ARHGAP8: variants seen among roughly 807,000 people sequenced by gnomAD.
ARHGAP8 encodes Rho GTPase activating protein 8.
Under a neutral mutation model 46.1 loss-of-function variants are expected in ARHGAP8, and 62 were observed. The observed-to-expected ratio is 1.34, with a 90% CI of 1.10 to 1.66. The LOEUF is 1.66. ARHGAP8 is among the 40% of genes most tolerant of loss of function. ARHGAP8 has a pLI of 0.00. For missense variants in ARHGAP8, 923 were observed against 568.4 expected, an observed-to-expected ratio of 1.62 and a Z score of -6.34; for synonymous variants, 375 against 243.1, an observed-to-expected ratio of 1.54 and a Z score of -5.05.
intron 5 of ARHGAP8, among the ~76,000 whole-genome samples, chr22:44,817,601 C>G (rs1354272386): frequency 2.0e-5 from 3 of 151,840 alleles, no homozygotes; most frequent in Non-Finnish European, 4.4e-5. Flanking sequence ...GTAAGGAGTT[C>G]AAGACCAGCC....
chr22:44,782,267 G>A (rs1383302438), intron 1 of ARHGAP8, among the ~76,000 whole-genome samples: 10 of 152,114 alleles, frequency 6.6e-5, no homozygotes, highest in Non-Finnish European at 1.3e-4. Context: ...AACCGGAGAG[G>A]AGGAGATTAC....
At chr22:44,765,434 G>C (rs1168243442) in intron 1 of ARHGAP8, 1 of 152,404 alleles carries the variant, frequency 6.6e-6, no homozygotes, top group East Asian at 1.9e-4. Flanking sequence ...AGTGAGGGCC[G>C]GGTTTCCTGG....
chr22:44,766,514 CTGTG>C (rs926434213), intron 1 of ARHGAP8, among the ~76,000 whole-genome samples: 5 of 151,742 alleles, frequency 3.3e-5, no homozygotes, highest in African/African-American at 7.3e-5. Flanking sequence ...CTGTGCATGT[CTGTG>C]TGCGTGTGTC....
At chr22:44,860,550 C>CAAGTT (rs1555924051) in intron 11 of ARHGAP8, among the ~76,000 whole-genome samples, 3 of 151,744 alleles carry the variant, frequency 2.0e-5, no homozygotes, top group Admixed American at 1.3e-4. Flanking sequence ...TTGAGATCCT[C>CAAGTT]AACGACAGCT....
At chr22:44,805,033 A>C (rs978801568) in intron 3 of ARHGAP8, among the ~76,000 whole-genome samples, 1 of 152,168 alleles carries the variant, frequency 6.6e-6, no homozygotes, top group Non-Finnish European at 1.5e-5. Flanking sequence ...TGAGGAGCCG[A>C]TGCCAGCCTG....
At chr22:44,860,670 G>A (rs540245043) in intron 11 of ARHGAP8, among the ~76,000 whole-genome samples, 1 of 152,278 alleles carries the variant, frequency 6.6e-6, no homozygotes, top group South Asian at 2.1e-4. Flanking sequence ...ACCAGAGAGA[G>A]AGAAACCCTT....
At chr22:44,838,698 C>A (rs959117914) in intron 7 of ARHGAP8, among the ~76,000 whole-genome samples, 2 of 152,206 alleles carry the variant, frequency 1.3e-5, no homozygotes, top group Non-Finnish European at 2.9e-5. Flanking sequence ...TCTCCCTCCC[C>A]GGGAACAGTA....
At position 44,858,929 on chromosome 22, in the gene ARHGAP8, C is replaced by T. The variant is rs1179299703; in HGVS notation, c.878-802C>T. ...TTAGGCTTTGTGGGCCTTGTAGTCT[C>T]TGTTGCAACTACTCAGCTCTGCCCT... On this transcript the variant is annotated intron_variant, in intron 10 of 11. Coordinates refer to ENST00000356099, the MANE Select transcript of ARHGAP8 (RefSeq NM_181335.3). Among the ~76,000 whole-genome samples the T allele has an allele frequency of 4.0e-5, 6 of 151,798 alleles. No individual in the cohort carries two copies. In the East Asian group the frequency reaches 9.6e-4, roughly 24 times the overall value.
At chr22:44,762,490 C>T (rs1176308631) in intron 1 of ARHGAP8, among the ~76,000 whole-genome samples, 1 of 151,668 alleles carries the variant, frequency 6.6e-6, no homozygotes, top group Non-Finnish European at 1.5e-5. Flanking sequence ...GGCAGAGCTC[C>T]TAAAACCCTT....
chr22:44,779,097 CTTT>C (rs532665716), intron 1 of ARHGAP8, among the ~76,000 whole-genome samples: 5 of 26,100 alleles, frequency 1.9e-4, no homozygotes, highest in Admixed American at 3.6e-4. Context: ...TGGTCTCTGA[CTTT>C]TTTTTTTTTT....
intron 1 of ARHGAP8, among the ~76,000 whole-genome samples, chr22:44,777,713 G>T (rs981982026): frequency 1.3e-5 from 2 of 150,350 alleles, no homozygotes; most frequent in African/African-American, 4.9e-5. Flanking sequence ...TGTTAATTTT[G>T]AGACAGAGTT....
chr22:44,842,782 G>A (rs755334677), intron 7 of ARHGAP8, among the ~76,000 whole-genome samples: 5 of 152,174 alleles, frequency 3.3e-5, no homozygotes, highest in Non-Finnish European at 7.3e-5. Context: ...GGGGACGCCA[G>A]GAGCTCTCTT....
chr22:44,788,145 GTTTCA>G (rs1927414559), intron 2 of ARHGAP8, among the ~76,000 whole-genome samples: 1 of 151,206 alleles, frequency 6.6e-6, no homozygotes, highest in Admixed American at 6.6e-5. Context: ...TTGAGATGGA[GTTTCA>G]TTTTGTCACC....
chr22:44,764,695 T>C (rs1925414622), intron 1 of ARHGAP8, among the ~76,000 whole-genome samples: 1 of 152,232 alleles, frequency 6.6e-6, no homozygotes, highest in Non-Finnish European at 1.5e-5. Flanking sequence ...GGGGTGGTCC[T>C]GGTGCCACTC....
intron 4 of ARHGAP8, chr22:44,809,541 C>T (rs1337701662): frequency 4.0e-6 from 1 of 249,486 alleles, no homozygotes; most frequent in East Asian, 1.1e-4. Flanking sequence ...GGACATAGGC[C>T]CCAGGGAGCA....
rs117973692 is a variant in ARHGAP8 at position 44,787,154 on chromosome 22, G to A, written c.79+548G>A. On this transcript the variant is annotated intron_variant, in intron 2 of 11. Coordinates refer to ENST00000356099, the MANE Select transcript of ARHGAP8 (RefSeq NM_181335.3). ...TGCCCAGGTGCTCCGAGAAGCCAAC[G>A]GGCAGTGTCCTGCTAGGCTTTAAAG... 3.4e-4 allele frequency among the ~76,000 whole-genome samples: 52 copies of A among 152,144 alleles called. No homozygotes were observed. The East Asian group carries it at 0.01, about 29-fold the overall frequency.
In ARHGAP8 at chr22:44,859,661, C is replaced by T. The variant is rs771845100; in HGVS notation, c.878-70C>T. ...CTGTCCTTCCTACACCCCTGTTCTC[C>T]TCCCGGGCCGGGATGCAGCGCTGCC... On this transcript the variant is annotated intron_variant, in intron 10 of 11. Transcript: ENST00000356099. 8 of 1,556,502 alleles carry T rather than the reference C, an allele frequency of 5.1e-6. No individual in the cohort carries two copies. In the East Asian group the frequency reaches 6.8e-5, roughly 13 times the overall value.
intron 11 of ARHGAP8, among the ~76,000 whole-genome samples, 161 bp downstream of exon 11, chr22:44,859,995 G>A (rs533759454): frequency 3.2e-4 from 47 of 145,346 alleles, no homozygotes; most frequent in African/African-American, 9.3e-4. Context: ...TCCAAGGCCT[G>A]GTCAGGCACC....
At chr22:44,859,079 G>A (rs904094609) in intron 10 of ARHGAP8, among the ~76,000 whole-genome samples, 1 of 150,814 alleles carries the variant, frequency 6.6e-6, no homozygotes, top group Non-Finnish European at 1.5e-5. Flanking sequence ...CCAACCCCTG[G>A]TCTAGACCAC....
Sources: gnomAD v4.1 joint callset for allele counts (sites outside exome capture counted in the v4.1 genomes callset) on GRCh38, gnomAD v4.1.1 for gene constraint, MANE v1.5 for transcripts, NCBI Gene and HGNC (gene_info 2026-07-23, HGNC 2026-07-21) for gene names.